MAN2B1: variants seen among roughly 807,000 people sequenced by gnomAD.
MAN2B1 encodes the protein mannosidase alpha class 2B member 1.
In MAN2B1, 99 loss-of-function variants were observed where a neutral mutation model predicts 127.5. The ratio of observed to expected loss-of-function variants is 0.78; its 90% confidence interval spans 0.66 to 0.92. MAN2B1 has a LOEUF of 0.92. MAN2B1 is among the 40% of genes least tolerant of loss of function. The pLI, the probability that MAN2B1 is intolerant of heterozygous loss-of-function variation, is 0.00. For synonymous variants in MAN2B1, 573 were observed against 568.8 expected, an observed-to-expected ratio of 1.01 and a Z score of -0.11; for missense variants, 1,304 against 1,384.8, an observed-to-expected ratio of 0.94 and a Z score of 0.93.
rs2145260034 is a variant in MAN2B1, at chr19:12,658,103, G to A, written c.1269C>T (p.Ala423=). ...CTCCGGAGCCATAGGGTCCCACGTT[G>A]GCCGCCAGGCCCACCAGCGCCTCCA... ...NQLEALVGLA[A]NVGPYGSGDS... The change falls in exon 10 of 24, where the codon GCC becomes GCT. Residue 423 remains alanine, a synonymous_variant. Coordinates refer to ENST00000456935, the MANE Select transcript of MAN2B1 (RefSeq NM_000528.4). The A allele has an allele frequency of 6.2e-7, 1 of 1,613,378 alleles. No individual in the cohort carries two copies. The highest frequency in any genetic ancestry group is 8.5e-7 in the Non-Finnish European group (1 of 1,179,982).
rs1047812725 is a variant in MAN2B1, at chr19:12,647,352, G to A, written c.2821-17C>T. 2 of 1,612,260 alleles carry A rather than the reference G, an allele frequency of 1.2e-6. No individual in the cohort carries two copies. The highest frequency in any genetic ancestry group is 1.7e-6 in the Non-Finnish European group (2 of 1,178,256). The stretch of plus-strand genomic sequence containing the variant: ...GAACAGGTCCTGCGGGGAAGGGGAT[G>A]GGCCCAGATGAGTTGGGGCAAAGCC... On this transcript the variant is annotated splice_polypyrimidine_tract_variant and intron_variant, in intron 22 of 23. Transcript: ENST00000456935. The surrounding 1 kb of genome is among the most constrained non-coding windows in gnomAD (Gnocchi z 4.9).
At position 12,646,609 on chromosome 19, in the gene MAN2B1, T is replaced by C. The variant is rs1208256759; in HGVS notation, c.*11A>G. ...AGGAGGCTTGGGCTTGGAGGGCCCA[T>C]CCCAGCAGACCTAACCATCCACCTC... is the stretch of plus-strand genomic sequence containing the variant. On this transcript the variant is annotated 3_prime_UTR_variant, in exon 24 of 24. Transcript: ENST00000456935. 2.5e-6 allele frequency: 4 copies of C among 1,598,052 alleles called. No homozygotes were observed. The South Asian group carries it at 4.4e-5, about 18-fold the overall frequency.
chr19:12,655,848 G>C lies in MAN2B1; in HGVS notation c.1676C>G (p.Ala559Gly), dbSNP rs199588220. 6 of 1,613,772 alleles carry C rather than the reference G, an allele frequency of 3.7e-6. No individual in the cohort carries two copies. In the African/African-American group the frequency reaches 5.3e-5, roughly 14 times the overall value. ...VVIFPSSDSQ[A>G]HPPELLFSAS... ...TGAGAACAGCAGCTCCGGAGGGTGC[G>C]CCTGGCTGTCTGAGCTGGGAAATAT... The change falls in exon 14 of 24, where the codon GCG (alanine) becomes GGG (glycine). Residue 559 changes from alanine to glycine, a missense_variant. By Grantham distance (60) the Ala-to-Gly change is moderately conservative (BLOSUM62 0). Transcript: ENST00000456935.
At chr19:12,652,536 C>A in intron 14 of MAN2B1, 76 bp from the exon 15 acceptor site, 1 of 779,454 alleles carries the variant, frequency 1.3e-6, no homozygotes, top group Non-Finnish European at 2.1e-6. Context: ...TTTCTTTTTT[C>A]TTTTTTTTTT....
intron 20 of MAN2B1, among the ~76,000 whole-genome samples, chr19:12,648,769 TG>T (rs775692435): frequency 6.6e-6 from 1 of 151,646 alleles, no homozygotes; most frequent in Non-Finnish European, 1.5e-5. Flanking sequence ...CCGAGGTGAG[TG>T]GATCACCTGA....
At chr19:12,655,320 G>A (rs2023930594) in intron 14 of MAN2B1, among the ~76,000 whole-genome samples, 1 of 152,192 alleles carries the variant, frequency 6.6e-6, no homozygotes, top group African/African-American at 2.4e-5. Flanking sequence ...TTTTATGCCT[G>A]TTATTCTCTC....
Position 12,647,394 on chromosome 19 carries a change from CCT to C in MAN2B1, c.2820+47_2820+48del, listed in dbSNP as rs990275905. 1.9e-6 allele frequency: 3 copies of C among 1,612,162 alleles called. No homozygotes were observed. The highest frequency in any genetic ancestry group is 1.7e-5 in the Admixed American group (1 of 59,992). ...GGCAAAGCCAGGTTTCTCTTCTCTC[CCT>C]CTCTCTTGCCTCTCTCCGATCTCCT... On this transcript the variant is annotated intron_variant, in intron 22 of 23. Transcript: ENST00000456935. The surrounding 1 kb of genome is among the most constrained non-coding windows in gnomAD (Gnocchi z 4.9).
At position 12,649,560 on chromosome 19, in the gene MAN2B1, C is replaced by T. The variant is rs978490606; in HGVS notation, c.2268-132G>A. 13 of 652,334 alleles carry T rather than the reference C, an allele frequency of 2.0e-5. No homozygotes were observed. The East Asian group carries it at 3.6e-4, about 18-fold the overall frequency. The allele number at this position is 652,334 out of a possible 1,614,324, so 40.4% of individuals were successfully genotyped here. A position where few individuals can be genotyped will look rare whatever the true frequency, so the allele number is the denominator to read the frequency against. On this transcript the variant is annotated intron_variant, in intron 18 of 23. Coordinates refer to ENST00000456935, the MANE Select transcript of MAN2B1 (RefSeq NM_000528.4). ...GCAGTGGCGCGATCTCGGCTCACTGCAAGCTCCGCCTCCCGGCTTCACGCC... is the reference window on the plus strand; with the variant it reads ...GCAGTGGCGCGATCTCGGCTCACTGTAAGCTCCGCCTCCCGGCTTCACGCC...
rs1282154871 is a variant in MAN2B1 at position 12,658,052 on chromosome 19, C to A, written c.1309+11G>T. 3 of 1,612,812 alleles carry A rather than the reference C, an allele frequency of 1.9e-6. No individual in the cohort carries two copies. The highest frequency in any genetic ancestry group is 1.7e-6 in the Non-Finnish European group (2 of 1,179,774). ...CCGCAAACCTCTTCCCCTCTTGGGC[C>A]CGACACTTACTGAGGGGTGCACTGT... On this transcript the variant is annotated intron_variant, in intron 10 of 23. Transcript: ENST00000456935.
In MAN2B1 at chr19:12,647,868, G is replaced by A. The variant is rs946827179; in HGVS notation, c.2665-270C>T. ...TGGGAGTTACGGCGGGGCTGAAGCCGCGGGGCTGGGTGAGGCAGGACAGAG... is the reference window on the plus strand; with the variant it reads ...TGGGAGTTACGGCGGGGCTGAAGCCACGGGGCTGGGTGAGGCAGGACAGAG... On this transcript the variant is annotated intron_variant, in intron 21 of 23. Transcript: ENST00000456935. The surrounding 1 kb of genome is among the most constrained non-coding windows in gnomAD (Gnocchi z 4.9). 1.3e-5 allele frequency among the ~76,000 whole-genome samples: 2 copies of A among 151,820 alleles called. No homozygotes were observed. Among genetic ancestry groups the A allele is most frequent in the Admixed American group, 1.3e-4 (2 of 15,236 alleles).
At chr19:12,661,839 T>A (rs1438656024) in intron 6 of MAN2B1, among the ~76,000 whole-genome samples, 2 of 144,646 alleles carry the variant, frequency 1.4e-5, no homozygotes, top group African/African-American at 2.8e-5. Context: ...AAAAAAAAAA[T>A]TAATCTAAAA....
At chr19:12,656,487 A>C (rs2023960897) in intron 13 of MAN2B1, 84 bp downstream of exon 13, 1 of 910,098 alleles carries the variant, frequency 1.1e-6, no homozygotes, top group East Asian at 2.4e-5. Context: ...TATTCATGGA[A>C]GCAGGCGATA....
chr19:12,656,857 A>T (rs2023974179), intron 12 of MAN2B1, 92 bp downstream of exon 12: 3 of 1,175,092 alleles, frequency 2.6e-6, no homozygotes, highest in Non-Finnish European at 3.8e-6. Flanking sequence ...AGCCCACGTA[A>T]TTTCACTCCT....
At position 12,657,039 on chromosome 19, in the gene MAN2B1, C is replaced by A. The variant is rs139435774; in HGVS notation, c.1437G>T (p.Ala479=). 9.9e-4 allele frequency: 1,600 copies of A among 1,610,616 alleles called. 4 individuals are homozygous for A. Among genetic ancestry groups the A allele is most frequent in the Non-Finnish European group, 1.2e-3 (1,445 of 1,178,782 alleles). ...CTTTGAAGCCTCTGAGCCGCGCCAG[C>A]GCGTTGCTCAGAAGAACCTGCGGAA... The part of the protein sequence containing the change: ...WGPCEVLLSN[A]LARLRGFKDH... The change falls in exon 12 of 24, where the codon GCG becomes GCT. Residue 479 remains alanine, a synonymous_variant. Transcript: ENST00000456935.
chr19:12,662,125 G>A (rs897890172), intron 6 of MAN2B1, among the ~76,000 whole-genome samples: 2 of 151,932 alleles, frequency 1.3e-5, no homozygotes, highest in Admixed American at 1.3e-4. Flanking sequence ...GATTATAGGC[G>A]TGAGCCACCA....
intron 13 of MAN2B1, 102 bp from the exon 14 acceptor site, chr19:12,655,981 GA>G: frequency 1.1e-6 from 1 of 875,456 alleles, no homozygotes; most frequent in Non-Finnish European, 1.9e-6. Flanking sequence ...CTGAGATGGG[GA>G]AAGGAAATGG....
At position 12,663,375 on chromosome 19, in the gene MAN2B1, C is replaced by G; in HGVS notation, c.851G>C (p.Ser284Thr). ...VDQPLVEDPR[S>T]PEYNAKELVD... ...CAGCTCCTTGGCGTTGTACTCGGGG[C>G]TGCGAGGGTCCTCCACCAGCGGCTG... The change falls in exon 6 of 24, where the codon AGC becomes ACC. Residue 284 changes from serine (S) to threonine (T), a missense_variant. Transcript: ENST00000456935. 1 of 1,614,078 alleles carries G rather than the reference C, an allele frequency of 6.2e-7. No homozygotes were observed. The highest frequency in any genetic ancestry group is 8.5e-7 in the Non-Finnish European group (1 of 1,179,984).
At position 12,650,156 on chromosome 19, in the gene MAN2B1, G is replaced by C. The variant is rs1490618243; in HGVS notation, c.2113C>G (p.Pro705Ala). 1 of 1,613,904 alleles carries C rather than the reference G, an allele frequency of 6.2e-7. No homozygotes were observed. The highest frequency in any genetic ancestry group is 8.5e-7 in the Non-Finnish European group (1 of 1,180,024). Residue 705 changes from proline (P) to alanine (A), a missense_variant, in exon 17 of 24, where the codon CCA (proline) becomes GCA (alanine). Physicochemically the swap from Pro to Ala is conservative, Grantham distance 27. Coordinates refer to ENST00000456935, the MANE Select transcript of MAN2B1 (RefSeq NM_000528.4). ...TCTAGCTCCAGGTGCCGCTGTCCTG[G>C]GTACAGGCGAACCACCTGGGAACAC... is the stretch of plus-strand genomic sequence containing the variant. The part of the protein sequence containing the change: ...AWCSQVVRLY[P>A]GQRHLELEWS...
Position 12,663,718 on chromosome 19 carries a change from C to T in MAN2B1, c.748G>A (p.Ala250Thr), listed in dbSNP as rs3745650. 69 of 1,612,080 alleles carry T rather than the reference C, an allele frequency of 4.3e-5. No homozygotes were observed. Among genetic ancestry groups the T allele is most frequent in the South Asian group, 5.5e-5 (5 of 90,936 alleles). Reference protein sequence around the residue: ...RASTSLKPPTADLFTGVLPNG... With the variant: ...RASTSLKPPTTDLFTGVLPNG... Reference sequence around the variant, plus strand: ...AGCCCCCTACCAGTGAAGAGGTCCGCGGTCGGGGGCTTCAGGCTGGTGCTG... The same window carrying T: ...AGCCCCCTACCAGTGAAGAGGTCCGTGGTCGGGGGCTTCAGGCTGGTGCTG... The change falls in exon 5 of 24, where the codon GCG (alanine) becomes ACG (threonine). Residue 250 changes from alanine to threonine, a missense_variant. Coordinates refer to ENST00000456935, the MANE Select transcript of MAN2B1 (RefSeq NM_000528.4).
Sources: allele counts gnomAD v4.1 joint callset (sites outside exome capture counted in the v4.1 genomes callset), GRCh38; gene constraint gnomAD v4.1.1; non-coding constraint Gnocchi (gnomAD v3.1); transcripts MANE v1.5; gene names NCBI Gene and HGNC (gene_info 2026-07-23, HGNC 2026-07-21).